Variants in NRG3 observed in about 807,000 individuals in gnomAD.
NRG3 encodes neuregulin 3.
NRG3 carries 31 observed loss-of-function variants against 66.9 expected under a neutral mutation model. The observed-to-expected ratio is 0.46, with a 90% CI of 0.35 to 0.63. NRG3 has a LOEUF of 0.63. Ranked by LOEUF, NRG3 falls within the 20% of genes least tolerant of loss-of-function variation. The pLI is 0.00. For missense variants in NRG3, 910 were observed against 878.9 expected (o/e 1.04, Z -0.45); for synonymous variants, 393 against 359.4 (o/e 1.09, Z -1.06).
intron 3 of NRG3, among the ~76,000 whole-genome samples, chr10:82,838,924 C>T (rs964763234): frequency 6.6e-6 from 1 of 152,056 alleles, no homozygotes; most frequent in Non-Finnish European, 1.5e-5. Context: ...GCTTGTCTTA[C>T]ATGGTGGCAG....
intron 4 of NRG3, among the ~76,000 whole-genome samples, chr10:82,871,142 A>C (rs1841303785): frequency 3.3e-5 from 5 of 152,118 alleles, no homozygotes. Flanking sequence ...TTGAATGTGG[A>C]TGTCAAGTTG....
chr10:82,032,113 C>A (rs1453200982), intron 1 of NRG3, among the ~76,000 whole-genome samples: 3 of 144,858 alleles, frequency 2.1e-5, no homozygotes, highest in South Asian at 2.2e-4. Context: ...TTGTTTGATT[C>A]TTTTTTTTTT....
chr10:82,106,844 T>C (rs1451097007), intron 1 of NRG3, among the ~76,000 whole-genome samples: 1 of 152,168 alleles, frequency 6.6e-6, no homozygotes, highest in African/African-American at 2.4e-5. Context: ...TACAAAAATA[T>C]TTCTGAGAAG....
At chr10:82,488,516 A>T (rs1203122587) in intron 2 of NRG3, among the ~76,000 whole-genome samples, 1 of 152,220 alleles carries the variant, frequency 6.6e-6, no homozygotes, top group African/African-American at 2.4e-5. Flanking sequence ...ATTATTTTTT[A>T]ATTGCAAAGT....
intron 1 of NRG3, among the ~76,000 whole-genome samples, chr10:81,941,224 T>C (rs1848378073): frequency 6.6e-6 from 1 of 152,160 alleles, no homozygotes. Context: ...GAATATGAAG[T>C]AGGAAGATGG....
At chr10:82,482,996 G>C (rs961145608) in intron 2 of NRG3, among the ~76,000 whole-genome samples, 3 of 152,108 alleles carry the variant, frequency 2.0e-5, no homozygotes, top group African/African-American at 7.2e-5. Flanking sequence ...ATCTTGCAAG[G>C]ATGCAAGAAT....
intron 1 of NRG3, among the ~76,000 whole-genome samples, chr10:81,955,193 T>C (rs959682187): frequency 4.7e-5 from 7 of 148,488 alleles, no homozygotes; most frequent in South Asian, 4.2e-4. Context: ...TATATATATA[T>C]ACACACACAC....
In NRG3 at chr10:82,942,262, A is replaced by G. The variant is rs373342608; in HGVS notation, c.1055-9207A>G. ...TCTCCCACACCTCTGTCCTCCATAC[A>G]GAGATCTCTCTGGGGAAATAGTGTA... On this transcript the variant is annotated intron_variant, in intron 4 of 8. Coordinates refer to ENST00000372141, the MANE Select transcript of NRG3 (RefSeq NM_001010848.4). Among the ~76,000 whole-genome samples the G allele has an allele frequency of 1.7e-4, 26 of 152,328 alleles. No homozygotes were observed. In the East Asian group the frequency reaches 4.0e-3, roughly 24 times the overall value.
At chr10:82,444,559 T>G (rs1199445455) in intron 2 of NRG3, among the ~76,000 whole-genome samples, 1 of 152,052 alleles carries the variant, frequency 6.6e-6, no homozygotes, top group Admixed American at 6.6e-5. Flanking sequence ...TAGAAAATAC[T>G]AAGGTGGAGG....
intron 1 of NRG3, among the ~76,000 whole-genome samples, chr10:81,997,002 G>A (rs2060964349): frequency 6.6e-6 from 1 of 151,946 alleles, no homozygotes; most frequent in East Asian, 1.9e-4. Context: ...TAATAAAATG[G>A]GTAAGGTTTC....
At chr10:82,580,513 C>G (rs2046298115) in intron 2 of NRG3, among the ~76,000 whole-genome samples, 1 of 151,566 alleles carries the variant, frequency 6.6e-6, no homozygotes. Flanking sequence ...ACAGAATACT[C>G]ACATTTCCTT....
At chr10:82,899,178 T>C (rs1203735318) in intron 4 of NRG3, among the ~76,000 whole-genome samples, 9 of 152,304 alleles carry the variant, frequency 5.9e-5, no homozygotes, top group Non-Finnish European at 1.3e-4. Context: ...GCCATTCTTC[T>C]GCACATAAGG....
intron 2 of NRG3, among the ~76,000 whole-genome samples, chr10:82,699,879 G>A (rs2055722314): frequency 6.8e-6 from 1 of 147,710 alleles, no homozygotes; most frequent in Non-Finnish European, 1.5e-5. Context: ...GTGTGTGTGT[G>A]TGCATTCAAA....
At chr10:82,078,368 C>T (rs1012532087) in intron 1 of NRG3, among the ~76,000 whole-genome samples, 6 of 152,184 alleles carry the variant, frequency 3.9e-5, no homozygotes, top group South Asian at 2.1e-4. Context: ...TGTTATTTTT[C>T]GAGACAGAAT....
intron 3 of NRG3, among the ~76,000 whole-genome samples, chr10:82,801,083 C>G (rs544332840): frequency 7.7e-4 from 117 of 152,280 alleles, no homozygotes; most frequent in Non-Finnish European, 1.5e-3. Flanking sequence ...AGCAAAGATA[C>G]TTCAAATGAC....
intron 1 of NRG3, among the ~76,000 whole-genome samples, chr10:82,315,830 T>A (rs2081265271): frequency 6.6e-6 from 1 of 151,962 alleles, no homozygotes; most frequent in Admixed American, 6.6e-5. Flanking sequence ...CACACCCGGC[T>A]AGTTTTTATA....
chr10:82,758,073 G>A (rs2059150719), intron 3 of NRG3, among the ~76,000 whole-genome samples: 1 of 152,002 alleles, frequency 6.6e-6, no homozygotes, highest in Admixed American at 6.6e-5. Context: ...TCTTACCCTA[G>A]TCAAAACAAA....
Position 82,132,413 on chromosome 10 carries a change from T to G in NRG3, c.824-226326T>G, listed in dbSNP as rs1282033211. Among the ~76,000 whole-genome samples the G allele has an allele frequency of 1.5e-5, 2 of 134,604 alleles. 1 individual carries two copies. Among genetic ancestry groups the G allele is most frequent in the Non-Finnish European group, 3.3e-5 (2 of 61,388 alleles). 88.3% of individuals were successfully genotyped at this position (134,604 alleles called of 152,430 possible). ...AAGTGGTCATGATGAATGATTGTTT[T>G]AATATGTTATTGAATGCAGTTTGCT... is the stretch of plus-strand genomic sequence containing the variant. On this transcript the variant is annotated intron_variant, in intron 1 of 8. Coordinates refer to ENST00000372141, the MANE Select transcript of NRG3 (RefSeq NM_001010848.4).
intron 2 of NRG3, among the ~76,000 whole-genome samples, chr10:82,566,122 A>G (rs1565076744): frequency 6.6e-6 from 1 of 151,816 alleles, no homozygotes. Flanking sequence ...GTGGCACTTA[A>G]TAAGCCCTCC....
Sources: allele counts gnomAD v4.1 joint callset (sites outside exome capture counted in the v4.1 genomes callset), GRCh38; gene constraint gnomAD v4.1.1; transcripts MANE v1.5; gene names NCBI Gene and HGNC (gene_info 2026-07-23, HGNC 2026-07-21).